Variants in HMCN1 observed in about 807,000 individuals in gnomAD.
HMCN1 encodes the protein hemicentin-1.
In HMCN1, 321 loss-of-function variants were observed where a neutral mutation model predicts 625.9. The ratio of observed to expected loss-of-function variants is 0.51; its 90% CI spans 0.47 to 0.56. The LOEUF is 0.56. HMCN1 is among the 20% of genes least tolerant of loss of function. The probability of loss-of-function intolerance (pLI) is 0.00; values close to 1 mark genes in which losing one functional copy is unlikely to be tolerated. For missense variants in HMCN1, 6,588 were observed against 6,887.3 expected, an observed-to-expected ratio of 0.96 and a Z score of 1.54; for synonymous variants, 2,425 against 2,417.6, an observed-to-expected ratio of 1.00 and a Z score of -0.09.
chr1:186,147,406 T>TC lies in HMCN1; in HGVS notation c.14608+1484dup, dbSNP rs904578645. ...GCTTCATGTCTTTTTTTTTTTTTTT[T>TC]CTCACCATTTTTTTCTTTAATTCGT... On this transcript the variant is annotated intron_variant, in intron 93 of 106. Coordinates refer to ENST00000271588, the MANE Select transcript of HMCN1 (RefSeq NM_031935.3). Among the ~76,000 whole-genome samples the TC allele has an allele frequency of 7.8e-5, 11 of 141,642 alleles. No homozygotes were observed. In the South Asian group the frequency reaches 1.1e-3, roughly 15 times the overall value. The allele number at this position is 141,642 out of a possible 152,430, so 92.9% of individuals were successfully genotyped here. A position where few individuals can be genotyped will look rare whatever the true frequency, so the allele number is the denominator to read the frequency against.
chr1:185,818,783 G>A (rs1297966274), intron 1 of HMCN1, among the ~76,000 whole-genome samples: 1 of 152,134 alleles, frequency 6.6e-6, no homozygotes, highest in African/African-American at 2.4e-5. Flanking sequence ...AAAAACTTAA[G>A]TATGGAATGT....
intron 1 of HMCN1, among the ~76,000 whole-genome samples, chr1:185,843,642 T>A (rs1661630221): frequency 6.6e-6 from 1 of 152,168 alleles, no homozygotes; most frequent in African/African-American, 2.4e-5. Context: ...GGGCTGATTT[T>A]GCCAAATAGT....
At chr1:186,157,599 C>G (rs1651110754) in intron 97 of HMCN1, among the ~76,000 whole-genome samples, 1 of 152,206 alleles carries the variant, frequency 6.6e-6, no homozygotes, top group African/African-American at 2.4e-5. Flanking sequence ...ACTCCCCCCA[C>G]CCCAAAACAG....
chr1:186,124,646 TAAAG>T (rs963351376), intron 81 of HMCN1, among the ~76,000 whole-genome samples: 13 of 152,148 alleles, frequency 8.5e-5, no homozygotes, highest in Non-Finnish European at 1.8e-4. Context: ...CATATAATCA[TAAAG>T]GACAAAAAAT....
rs764123377 is a variant in HMCN1 at position 186,018,202 on chromosome 1, T to C, written c.5320T>C (p.Leu1774=). 5 of 1,612,652 alleles carry C rather than the reference T, an allele frequency of 3.1e-6. No homozygotes were observed. The South Asian group carries it at 5.5e-5, about 18-fold the overall frequency. ...PTIMWLKDGQ[L]IDERDGFKIL... ...CTATAGGTGGCTGAAGGATGGCCAG[T>C]TAATTGATGAAAGGGATGGATTCAA... The change falls in exon 34 of 107, where the codon TTA becomes CTA. Residue 1774 remains leucine (L), a synonymous_variant. Transcript: ENST00000271588.
chr1:185,789,516 TTGTA>T (rs1441011001), intron 1 of HMCN1, among the ~76,000 whole-genome samples: 2 of 152,236 alleles, frequency 1.3e-5, no homozygotes, highest in African/African-American at 4.8e-5. Flanking sequence ...CTTCGTGACT[TTGTA>T]TGTCAGAAAT....
intron 1 of HMCN1, among the ~76,000 whole-genome samples, chr1:185,756,361 A>G (rs889948615): frequency 6.6e-6 from 1 of 152,076 alleles, no homozygotes; most frequent in Non-Finnish European, 1.5e-5. Flanking sequence ...AGGGAAAGAC[A>G]GGAGATCAAA....
At chr1:186,180,171 C>T (rs1652850894) in intron 104 of HMCN1, among the ~76,000 whole-genome samples, 1 of 152,166 alleles carries the variant, frequency 6.6e-6, no homozygotes, top group African/African-American at 2.4e-5. Context: ...TTAAACAACA[C>T]TGTCAATCTG....
chr1:185,902,358 C>A (rs1199644347), intron 4 of HMCN1, among the ~76,000 whole-genome samples: 1 of 151,242 alleles, frequency 6.6e-6, no homozygotes, highest in Non-Finnish European at 1.5e-5. Flanking sequence ...AAACTATGAC[C>A]CTTCCTCCCA....
At chr1:185,893,019 G>A (rs912831408) in intron 4 of HMCN1, among the ~76,000 whole-genome samples, 5 of 152,194 alleles carry the variant, frequency 3.3e-5, no homozygotes, top group African/African-American at 4.8e-5. Flanking sequence ...GTGGTGCGCC[G>A]TTTTTTAAGC....
intron 65 of HMCN1, 77 bp downstream of exon 65, chr1:186,093,335 G>T (rs1191029977): frequency 7.5e-6 from 12 of 1,598,474 alleles, no homozygotes; most frequent in Non-Finnish European, 1.0e-5. Flanking sequence ...CCAGCAGCAG[G>T]TGTCTGGAGC....
intron 2 of HMCN1, among the ~76,000 whole-genome samples, chr1:185,860,189 C>G (rs1311946556): frequency 6.6e-6 from 1 of 152,042 alleles, no homozygotes; most frequent in East Asian, 1.9e-4. Flanking sequence ...TTTTAATTTT[C>G]AGTTAGCTAG....
chr1:185,738,222 T>C (rs982152148), intron 1 of HMCN1, among the ~76,000 whole-genome samples: 1 of 152,212 alleles, frequency 6.6e-6, no homozygotes, highest in Non-Finnish European at 1.5e-5. Context: ...TATTCACAGA[T>C]AGGTGCAAAT....
chr1:185,969,341 C>A (rs575460433), intron 14 of HMCN1, among the ~76,000 whole-genome samples: 1 of 152,052 alleles, frequency 6.6e-6, no homozygotes, highest in Non-Finnish European at 1.5e-5. Flanking sequence ...TAGGCACTGA[C>A]GGTTGCTGAT....
intron 42 of HMCN1, among the ~76,000 whole-genome samples, chr1:186,049,563 C>A (rs537642911): frequency 6.6e-6 from 1 of 152,016 alleles, no homozygotes; most frequent in African/African-American, 2.4e-5. Flanking sequence ...TCAGCTGTGG[C>A]TATCAGCTAA....
chr1:186,081,250 G>A lies in HMCN1; in HGVS notation c.8643G>A (p.Glu2881=). 2.5e-6 allele frequency: 4 copies of A among 1,613,830 alleles called. No homozygotes were observed. Among genetic ancestry groups the A allele is most frequent in the Non-Finnish European group, 3.4e-6 (4 of 1,179,824 alleles). ...IKGANSDLPE[E]VTVLVNKSAL... Reference sequence around the variant, plus strand: ...GAGCAAATAGTGATCTCCCTGAAGAGGTCACCGTGCTGGTGAACAAGAGTG... The same window carrying A: ...GAGCAAATAGTGATCTCCCTGAAGAAGTCACCGTGCTGGTGAACAAGAGTG... The change falls in exon 56 of 107, where the codon GAG becomes GAA. Residue 2881 remains glutamate, a synonymous_variant. Transcript: ENST00000271588.
chr1:185,787,076 T>C (rs1557968504), intron 1 of HMCN1, among the ~76,000 whole-genome samples: 1 of 152,098 alleles, frequency 6.6e-6, no homozygotes, highest in Non-Finnish European at 1.5e-5. Context: ...GGTGAATGTG[T>C]TTATATGTGT....
At chr1:186,018,400 C>CA (rs765670936) in intron 34 of HMCN1, 48 bp downstream of exon 34, 3 of 1,501,654 alleles carry the variant, frequency 2.0e-6, no homozygotes, top group Non-Finnish European at 1.9e-6. Flanking sequence ...TTAATTTATG[C>CA]ATTGTTTTAT....
intron 105 of HMCN1, among the ~76,000 whole-genome samples, chr1:186,186,188 A>G (rs984620204): frequency 1.3e-5 from 2 of 152,192 alleles, no homozygotes; most frequent in African/African-American, 4.8e-5. Flanking sequence ...CGTCAGAAAA[A>G]GTCTAAGGTG....
Sources: allele counts gnomAD v4.1 joint callset (sites outside exome capture counted in the v4.1 genomes callset), GRCh38; gene constraint gnomAD v4.1.1; transcripts MANE v1.5; gene names NCBI Gene and HGNC (gene_info 2026-07-23, HGNC 2026-07-21).